SLC2A9: variants seen among roughly 807,000 people sequenced by gnomAD.
SLC2A9 encodes solute carrier family 2, facilitated glucose transporter member 9.
Under a neutral mutation model 50.6 loss-of-function variants are expected in SLC2A9, and 39 were observed. The observed-to-expected ratio is 0.77, with a 90% confidence interval of 0.60 to 1.01. The LOEUF is 1.01. SLC2A9 is among the 50% of genes least tolerant of loss of function. SLC2A9 has a pLI of 0.00. For synonymous variants in SLC2A9, 324 were observed against 276.9 expected, an observed-to-expected ratio of 1.17 and a Z score of -1.69; for missense variants, 686 against 677.6, an observed-to-expected ratio of 1.01 and a Z score of -0.14.
At chr4:9,989,007 A>G (rs1386908942) in intron 3 of SLC2A9, among the ~76,000 whole-genome samples, 1 of 152,232 alleles carries the variant, frequency 6.6e-6, no homozygotes, top group Non-Finnish European at 1.5e-5. Flanking sequence ...CAGAGAACCT[A>G]TGGAAATAAT....
intron 1 of SLC2A9, chr4:10,034,595 G>C (rs553519774): frequency 1.3e-5 from 2 of 152,508 alleles, no homozygotes; most frequent in African/African-American, 4.8e-5. Context: ...TTCTGATCCT[G>C]CCTCTTCCCC....
At chr4:9,860,898 T>A (rs1247161899) in intron 10 of SLC2A9, among the ~76,000 whole-genome samples, 5 of 152,222 alleles carry the variant, frequency 3.3e-5, no homozygotes, top group Admixed American at 6.5e-5. Context: ...CTGCCTGGAT[T>A]GCTCATGCGC....
chr4:9,939,375 G>C (rs1208596379), intron 6 of SLC2A9, among the ~76,000 whole-genome samples: 2 of 152,184 alleles, frequency 1.3e-5, no homozygotes, highest in Non-Finnish European at 2.9e-5. Flanking sequence ...GTTTTGTTAT[G>C]CAGCATTATT....
intron 1 of SLC2A9, among the ~76,000 whole-genome samples, chr4:10,036,404 C>T (rs1010470520): frequency 4.6e-5 from 7 of 152,308 alleles, no homozygotes; most frequent in South Asian, 2.1e-4. Flanking sequence ...GTGCTGAAAG[C>T]GCATATCACA....
At chr4:10,039,109 G>A (rs1435264824) in intron 1 of SLC2A9, among the ~76,000 whole-genome samples, 2 of 152,244 alleles carry the variant, frequency 1.3e-5, no homozygotes, top group African/African-American at 4.8e-5. Context: ...CCCTGCTCTA[G>A]AGTGTTCATG....
chr4:9,815,798 C>CG (rs1394050392), intron 3 of SLC2A9, among the ~76,000 whole-genome samples: 1 of 152,126 alleles, frequency 6.6e-6, no homozygotes, highest in African/African-American at 2.4e-5. Flanking sequence ...GCCAAGGTGT[C>CG]TAAGCAAGGT....
chr4:9,894,372 A>G (rs1055861000), intron 8 of SLC2A9, among the ~76,000 whole-genome samples: 1 of 152,250 alleles, frequency 6.6e-6, no homozygotes, highest in Non-Finnish European at 1.5e-5. Flanking sequence ...AATTACAATT[A>G]TGTTAAGCTA....
chr4:9,871,256 G>A (rs981877037), intron 10 of SLC2A9, among the ~76,000 whole-genome samples: 5 of 152,122 alleles, frequency 3.3e-5, no homozygotes, highest in Non-Finnish European at 7.4e-5. Context: ...CTATGTAGAG[G>A]ATTAGGAAAT....
At chr4:9,959,108 T>C (rs1375451783) in intron 5 of SLC2A9, among the ~76,000 whole-genome samples, 1 of 151,448 alleles carries the variant, frequency 6.6e-6, no homozygotes, top group Admixed American at 6.6e-5. Flanking sequence ...GCTGGAAGAA[T>C]GCTAAGGCAG....
intron 6 of SLC2A9, among the ~76,000 whole-genome samples, chr4:9,924,795 A>G (rs1479343249): frequency 1.3e-5 from 2 of 152,164 alleles, no homozygotes; most frequent in Non-Finnish European, 2.9e-5. Flanking sequence ...CTGTGGTCAC[A>G]TAACCCAGAC....
intron 3 of SLC2A9, among the ~76,000 whole-genome samples, chr4:9,819,004 C>A (rs1042984967): frequency 5.9e-5 from 9 of 151,438 alleles, no homozygotes; most frequent in African/African-American, 2.2e-4. Context: ...TGCCTGTAGT[C>A]CCAGCAACTC....
rs369330852 is a variant in SLC2A9 at position 10,039,605 on chromosome 4, G to A, written c.-41+525C>T. On this transcript the variant is annotated intron_variant, in intron 1 of 12. Coordinates refer to the SLC2A9 transcript ENST00000309065. ...TTCTCCTGGATCCCCACATTCAGGG[G>A]GTTCTATCTCTGAAGATGGTTCTAA... Among the ~76,000 whole-genome samples, 4 of 152,202 alleles carry A rather than the reference G, an allele frequency of 2.6e-5. No homozygotes were observed. In the East Asian group the frequency reaches 7.7e-4, roughly 29 times the overall value.
intron 3 of SLC2A9, among the ~76,000 whole-genome samples, chr4:9,994,967 C>T (rs1253470426): frequency 6.6e-6 from 1 of 152,074 alleles, no homozygotes; most frequent in Non-Finnish European, 1.5e-5. Flanking sequence ...GCCAGTGATG[C>T]CAATCTGAGT....
At chr4:9,776,845 C>G (rs1319637073), downstream of SLC2A9, among the ~76,000 whole-genome samples, 1 of 152,116 alleles carries the variant, frequency 6.6e-6, no homozygotes, top group Non-Finnish European at 1.5e-5. Flanking sequence ...AGAACAAATC[C>G]TCATGCCCTC....
rs1202425256 is a variant in SLC2A9 at position 10,019,063 on chromosome 4, C to G, written c.161G>C (p.Cys54Ser). Reference protein sequence around the residue: ...PGGRRRKDWSCSLLVASLAGA... With the variant: ...PGGRRRKDWSSSLLVASLAGA... ...CGCGAGGGAGGCCACGAGGAGCGAG[C>G]AGGACCAGTCCTGAGGGGAGAGGAA... Residue 54 changes from cysteine (C) to serine (S), a missense_variant, in exon 2 of 12, where the codon TGC (cysteine) becomes TCC (serine). Coordinates refer to ENST00000264784, the MANE Select transcript of SLC2A9 (RefSeq NM_020041.3). 15 of 1,551,052 alleles carry G rather than the reference C, an allele frequency of 9.7e-6. No homozygotes were observed. In the South Asian group the frequency reaches 1.3e-4, roughly 14 times the overall value.
intron 8 of SLC2A9, among the ~76,000 whole-genome samples, chr4:9,892,447 C>T (rs1483774703): frequency 6.6e-6 from 1 of 152,154 alleles, no homozygotes; most frequent in African/African-American, 2.4e-5. Context: ...ACTTGGCCTC[C>T]TAGAAACCTG....
At chr4:9,853,774 A>G (rs902733350) in intron 10 of SLC2A9, among the ~76,000 whole-genome samples, 6 of 152,240 alleles carry the variant, frequency 3.9e-5, no homozygotes, top group African/African-American at 1.2e-4. Flanking sequence ...TTGACAAAAA[A>G]ATAAAATTAT....
upstream of SLC2A9, among the ~76,000 whole-genome samples, chr4:10,025,155 TTATAAA>T (rs963171106): frequency 6.6e-6 from 1 of 151,086 alleles, no homozygotes; most frequent in African/African-American, 2.4e-5. Context: ...TACAGGTTTA[TTATAAA>T]TACAAATAAA....
chr4:9,887,521 G>T, intron 10 of SLC2A9, 46 bp downstream of exon 10: 1 of 1,526,340 alleles, frequency 6.6e-7, no homozygotes, highest in Non-Finnish European at 8.8e-7. Flanking sequence ...GCTTGGTGAT[G>T]CCATGAGTCC....
Sources: gnomAD v4.1 joint callset for allele counts (sites outside exome capture counted in the v4.1 genomes callset) on GRCh38, gnomAD v4.1.1 for gene constraint, MANE v1.5 for transcripts, NCBI Gene and HGNC (gene_info 2026-07-23, HGNC 2026-07-21) for gene names.